Variants in R3HCC1 observed in about 807,000 individuals in gnomAD.
R3HCC1 encodes R3H domain and coiled-coil containing 1.
A neutral mutation model predicts 40.0 loss-of-function variants in R3HCC1; 32 were observed. The observed-to-expected ratio is 0.80, with a 90% CI of 0.60 to 1.07. The LOEUF is 1.07. Ranked by LOEUF, R3HCC1 falls within the 50% of genes least tolerant of loss-of-function variation. The pLI, the probability that R3HCC1 is intolerant of heterozygous loss-of-function variation, is 0.00. For missense variants in R3HCC1, 586 were observed against 563.3 expected, an observed-to-expected ratio of 1.04 and a Z score of -0.41; for synonymous variants, 237 against 232.8, an observed-to-expected ratio of 1.02 and a Z score of -0.17.
chr8:23,288,419 A>G (rs1390765095), intron 1 of R3HCC1, 87 bp from the exon 2 acceptor site: 1 of 1,499,026 alleles, frequency 6.7e-7, no homozygotes, highest in Non-Finnish European at 8.9e-7. Flanking sequence ...GAGGGTTTCT[A>G]AGGCCCTTTC....
intron 4 of R3HCC1, 93 bp from the exon 5 acceptor site, chr8:23,291,268 C>T: frequency 6.9e-7 from 1 of 1,452,048 alleles, no homozygotes; most frequent in Non-Finnish European, 9.1e-7. Context: ...CCAGGTGGGC[C>T]CCTTCTCCCT....
Position 23,288,135 on chromosome 8 carries a change from CTGCG to C in R3HCC1, c.-40_-37del, listed in dbSNP as rs1165497352. ...TGGCCCCTGGGGACGCCGAGGGCGGCTGCGACGCGCCGAGAGGCCGCGGTGAGTG... is the reference window on the plus strand; with the variant it reads ...TGGCCCCTGGGGACGCCGAGGGCGGCACGCGCCGAGAGGCCGCGGTGAGTG... On this transcript the variant is annotated 5_prime_UTR_variant, in exon 1 of 8. Transcript: ENST00000265806. 5.2e-5 allele frequency: 65 copies of C among 1,252,378 alleles called. No homozygotes were observed. The highest frequency in any genetic ancestry group is 5.8e-5 in the Non-Finnish European group (56 of 973,460). The allele number at this position is 1,252,378 out of a possible 1,614,324, so 77.6% of individuals were successfully genotyped here.
In R3HCC1 at chr8:23,293,355, T is replaced by A; in HGVS notation, c.1078T>A (p.Phe360Ile). Residue 360 changes from phenylalanine (F) to isoleucine (I), a missense_variant, in exon 6 of 8, where the codon TTT (phenylalanine) becomes ATT (isoleucine). Physicochemically the swap from Phe to Ile is conservative, Grantham distance 21. Transcript: ENST00000265806. ...GGATGATACTCACGCACTCGGCATC[T>A]TTCCCTGCCTGGCCTCAGGTAAGGC... is the stretch of plus-strand genomic sequence containing the variant. 6.4e-7 allele frequency: 1 copy of A among 1,551,346 alleles called. No homozygotes were observed. The highest frequency in any genetic ancestry group is 1.4e-5 in the African/African-American group (1 of 73,154).
In R3HCC1 at chr8:23,294,829, C is replaced by T. The variant is rs953189486; in HGVS notation, c.1157C>T (p.Thr386Ile). 7.7e-6 allele frequency: 12 copies of T among 1,551,302 alleles called. No homozygotes were observed. Among genetic ancestry groups the T allele is most frequent in the Non-Finnish European group, 1.0e-5 (12 of 1,146,934 alleles). ...AAGATCCGGCCCCTCACACAGGGAACCAAGCAGTCAAAGCTCAAAGCCTTG... is the reference window on the plus strand; with the variant it reads ...AAGATCCGGCCCCTCACACAGGGAATCAAGCAGTCAAAGCTCAAAGCCTTG... The change falls in exon 7 of 8, where the codon ACC (threonine) becomes ATC (isoleucine). Residue 386 changes from threonine to isoleucine, a missense_variant. Coordinates refer to ENST00000265806, the MANE Select transcript of R3HCC1 (RefSeq NM_001136108.3).
chr8:23,288,368 G>T, intron 1 of R3HCC1, 138 bp from the exon 2 acceptor site: 2 of 1,284,324 alleles, frequency 1.6e-6, no homozygotes, highest in Non-Finnish European at 2.1e-6. Flanking sequence ...GACTTGCCGG[G>T]GGTCCCTGGC....
chr8:23,289,251 G>C, intron 3 of R3HCC1, 98 bp downstream of exon 3: 2 of 1,349,494 alleles, frequency 1.5e-6, no homozygotes, highest in Non-Finnish European at 2.0e-6. Flanking sequence ...GGGAACCAGG[G>C]CTGGGACCCC....
intron 3 of R3HCC1, among the ~76,000 whole-genome samples, chr8:23,289,614 G>C (rs1261853522): frequency 6.6e-6 from 1 of 152,188 alleles, no homozygotes; most frequent in Non-Finnish European, 1.5e-5. Context: ...ACCTCCCCTG[G>C]TGTGTAACTG....
At chr8:23,295,240 T>C (rs1323681710) in intron 7 of R3HCC1, among the ~76,000 whole-genome samples, 1 of 152,124 alleles carries the variant, frequency 6.6e-6, no homozygotes, top group African/African-American at 2.4e-5. Flanking sequence ...TGGGGTCCGC[T>C]CCGGGACCCC....
intron 6 of R3HCC1, among the ~76,000 whole-genome samples, chr8:23,293,949 T>G (rs1273556324): frequency 6.6e-6 from 1 of 152,158 alleles, no homozygotes; most frequent in Non-Finnish European, 1.5e-5. Context: ...TGCATTGCCC[T>G]GCCACACCAC....
intron 1 of R3HCC1, 125 bp downstream of exon 1, chr8:23,288,282 A>G (rs1347904926): frequency 1.8e-6 from 2 of 1,098,842 alleles, no homozygotes; most frequent in Admixed American, 3.2e-5. Context: ...CAGGGTGTGG[A>G]GCCACCCTCA....
rs761349091 is a variant in R3HCC1 at position 23,296,237 on chromosome 8, C to T, written c.*140C>T. ...GGTGTGGTGGGCTTTAGTTTAGTCC[C>T]AGAAATGGAGAAAAAATAAAAACTC... On this transcript the variant is annotated 3_prime_UTR_variant, in exon 8 of 8. Transcript: ENST00000265806. 74 of 1,004,292 alleles carry T rather than the reference C, an allele frequency of 7.4e-5. No homozygotes were observed. The highest frequency in any genetic ancestry group is 9.8e-5 in the Non-Finnish European group (71 of 721,304). 62.2% of individuals were successfully genotyped at this position (1,004,292 alleles called of 1,614,324 possible).
chr8:23,295,350 C>G (rs1802981564), intron 7 of R3HCC1: 2 of 397,244 alleles, frequency 5.0e-6, no homozygotes, highest in South Asian at 3.7e-5. Context: ...GCAGACTCTT[C>G]AGTCTGAAGG....
intron 7 of R3HCC1, chr8:23,295,557 C>G (rs1423944766): frequency 2.2e-6 from 1 of 463,866 alleles, no homozygotes. Flanking sequence ...CAGCTGTGCT[C>G]TCGTGGGTGG....
intron 3 of R3HCC1, 92 bp downstream of exon 3, chr8:23,289,245 A>C: frequency 2.8e-6 from 4 of 1,405,996 alleles, no homozygotes; most frequent in South Asian, 1.3e-5. Context: ...GCTGGGGGGA[A>C]CCAGGGCTGG....
At chr8:23,293,870 C>A (rs2117126087) in intron 6 of R3HCC1, among the ~76,000 whole-genome samples, 1 of 152,310 alleles carries the variant, frequency 6.6e-6, no homozygotes, top group Middle Eastern at 3.4e-3. Flanking sequence ...CACAGCCTCT[C>A]AGTGTCACAG....
At chr8:23,293,414 T>C in intron 6 of R3HCC1, 41 bp downstream of exon 6, 2 of 1,484,018 alleles carry the variant, frequency 1.3e-6, no homozygotes, top group Non-Finnish European at 1.8e-6. Context: ...CTCGGATCCC[T>C]GTTGAGAGGG....
chr8:23,290,567 A>T, intron 4 of R3HCC1, 98 bp downstream of exon 4: 1 of 1,356,864 alleles, frequency 7.4e-7, no homozygotes, highest in Non-Finnish European at 9.8e-7. Flanking sequence ...AGAGCAGGGG[A>T]TGTGCAAGGG....
intron 2 of R3HCC1, 68 bp from the exon 3 acceptor site, chr8:23,288,948 C>T: frequency 6.6e-7 from 1 of 1,503,814 alleles, no homozygotes; most frequent in Non-Finnish European, 8.9e-7. Flanking sequence ...CGCGATTAAC[C>T]TGGGAGTGGA....
chr8:23,296,009 CTG>C lies in R3HCC1; in HGVS notation c.1238_1239del (p.Val413GlyfsTer72), dbSNP rs1491322220. ...AAGGAGAGGCCACAGACAAATGCGA[CTG>C]TGGCCCGGCGGCTGGTGGCCCGGGC... is the stretch of plus-strand genomic sequence containing the variant. On this transcript the variant is annotated frameshift_variant, in exon 8 of 8. Coordinates refer to ENST00000265806, the MANE Select transcript of R3HCC1 (RefSeq NM_001136108.3). LOFTEE classifies it high-confidence loss of function. 5.8e-6 allele frequency: 9 copies of C among 1,550,920 alleles called. No homozygotes were observed. The Admixed American group carries it at 1.8e-4, about 30-fold the overall frequency.
Sources: allele counts gnomAD v4.1 joint callset (sites outside exome capture counted in the v4.1 genomes callset), GRCh38; gene constraint gnomAD v4.1.1; transcripts MANE v1.5; gene names NCBI Gene and HGNC (gene_info 2026-07-23, HGNC 2026-07-21).